AVEN: variants seen among roughly 807,000 people sequenced by gnomAD.
AVEN encodes apoptosis and caspase activation inhibitor, also known as cell death regulator Aven.
AVEN carries 41 observed loss-of-function variants against 38.1 expected under a neutral mutation model. The observed-to-expected ratio is 1.08, with a 90% CI of 0.84 to 1.40. The LOEUF is 1.40. Among genes scored for constraint, AVEN ranks in the 40% most tolerant of loss-of-function variants. The pLI, the probability that AVEN is intolerant of heterozygous loss-of-function variation, is 0.00. For missense variants in AVEN, 605 were observed against 438.8 expected (o/e 1.38, Z -3.38); for synonymous variants, 206 against 171.8 (o/e 1.20, Z -1.56).
chr15:33,899,459 C>G (rs992220056), intron 2 of AVEN, among the ~76,000 whole-genome samples: 1 of 83,260 alleles, frequency 1.2e-5, no homozygotes, highest in Admixed American at 1.9e-4. Flanking sequence ...TCAGGGAAAA[C>G]CTTTTTTTTT....
At chr15:34,011,079 C>T (rs911742638) in intron 1 of AVEN, among the ~76,000 whole-genome samples, 3 of 152,048 alleles carry the variant, frequency 2.0e-5, no homozygotes, top group Admixed American at 1.3e-4. Flanking sequence ...ATAATACCTG[C>T]ACTTTGGGAG....
At position 34,062,616 on chromosome 15, in the gene AVEN, A is replaced by G. The variant is rs1900379004; in HGVS notation, n.1637+306T>C. On this transcript the variant is annotated intron_variant and non_coding_transcript_variant, in intron 5 of 11. Coordinates refer to the AVEN transcript ENST00000675287. ...GACAAGAAAATCATGCTGGTGTGCGAAGCTAATGTGTTTCCCTCTCTTCCA... is the reference window on the plus strand; with the variant it reads ...GACAAGAAAATCATGCTGGTGTGCGGAGCTAATGTGTTTCCCTCTCTTCCA... 4 of 1,029,906 alleles carry G rather than the reference A, an allele frequency of 3.9e-6. No individual in the cohort carries two copies. In the East Asian group the frequency reaches 9.6e-5, roughly 25 times the overall value. 63.8% of individuals were successfully genotyped at this position (1,029,906 alleles called of 1,614,324 possible).
intron 5 of AVEN, among the ~76,000 whole-genome samples, chr15:34,048,143 T>C (rs1440577160): frequency 1.3e-5 from 2 of 152,230 alleles, no homozygotes; most frequent in African/African-American, 4.8e-5. Context: ...TCCAAAGTGC[T>C]GGGATTACAG....
At chr15:33,853,828 G>A (rs184587642), downstream of AVEN, 1 of 984,430 alleles carries the variant, frequency 1.0e-6, no homozygotes, top group Non-Finnish European at 1.4e-6. Context: ...CACTGGGAGA[G>A]CACTGCCTTA....
At chr15:33,967,176 T>A (rs1315689554) in intron 2 of AVEN, among the ~76,000 whole-genome samples, 1 of 152,152 alleles carries the variant, frequency 6.6e-6, no homozygotes, top group African/African-American at 2.4e-5. Context: ...TACAAATGTG[T>A]GTCAAAGACC....
rs1433468129 is a variant in AVEN at position 33,859,500 on chromosome 15, TATGA to T, written n.2730-410_2730-407del. ...GGGCTGCCACAATCTGACCGAATCA[TATGA>T]ATGATCTGAGCATCTTGCTAAAAAC... On this transcript the variant is annotated intron_variant and non_coding_transcript_variant, in intron 11 of 11. Coordinates refer to the AVEN transcript ENST00000675287. The T allele has an allele frequency of 7.8e-6, 12 of 1,543,492 alleles. No homozygotes were observed. In the African/African-American group the frequency reaches 1.4e-4, roughly 18 times the overall value.
intron 1 of AVEN, among the ~76,000 whole-genome samples, chr15:34,010,456 T>A (rs1045090998): frequency 6.6e-6 from 1 of 152,108 alleles, no homozygotes; most frequent in East Asian, 1.9e-4. Context: ...AGACAACAGA[T>A]CCTATTTAAA....
chr15:34,052,565 T>G (rs1899966485), intron 5 of AVEN, among the ~76,000 whole-genome samples: 1 of 152,226 alleles, frequency 6.6e-6, no homozygotes, highest in Non-Finnish European at 1.5e-5. Context: ...TTATCTTTGT[T>G]TGCAGATAAT....
intron 2 of AVEN, among the ~76,000 whole-genome samples, chr15:34,067,804 T>G (rs890698597): frequency 6.6e-6 from 1 of 152,160 alleles, no homozygotes; most frequent in Non-Finnish European, 1.5e-5. Flanking sequence ...TGTCAACTAT[T>G]TAAAGAGTCG....
chr15:33,865,224 T>TAAATCTGAATCAAAGAAGCGCGAC (rs1431055139), downstream of AVEN: 2 of 1,609,898 alleles, frequency 1.2e-6, no homozygotes, highest in South Asian at 1.1e-5. Context: ...TCAGCTTGGA[T>TAAATCTGAATCAAAGAAGCGCGAC]AAATCTGAAT....
intron 2 of AVEN, among the ~76,000 whole-genome samples, chr15:33,982,312 A>G (rs771483330): frequency 1.3e-5 from 2 of 152,100 alleles, no homozygotes; most frequent in Non-Finnish European, 1.5e-5. Flanking sequence ...TGCCTTCTCA[A>G]TTTCAAATTC....
intron 2 of AVEN, among the ~76,000 whole-genome samples, chr15:33,959,333 A>G (rs1381963871): frequency 6.6e-6 from 1 of 152,136 alleles, no homozygotes; most frequent in Admixed American, 6.5e-5. Context: ...CAGCAGTTTT[A>G]GGTAATCTCT....
intron 4 of AVEN, among the ~76,000 whole-genome samples, chr15:33,870,422 T>G (rs1489988201): frequency 2.6e-5 from 4 of 152,184 alleles, no homozygotes; most frequent in African/African-American, 9.7e-5. Context: ...TCCTTATGCT[T>G]TAGACCTCAG....
At chr15:33,854,567 C>G (rs1204904570), downstream of AVEN, 2 of 1,047,866 alleles carry the variant, frequency 1.9e-6, no homozygotes, top group Middle Eastern at 2.1e-4. Context: ...GACCAAGAGC[C>G]TTATACGTGC....
chr15:33,933,207 G>A (rs114757269), intron 2 of AVEN, among the ~76,000 whole-genome samples: 312 of 152,172 alleles, frequency 2.1e-3, no homozygotes, highest in African/African-American at 6.9e-3. Flanking sequence ...GGTAGGTTAC[G>A]ACAACTCTGT....
chr15:33,917,805 CAG>C (rs763040530), intron 2 of AVEN, among the ~76,000 whole-genome samples: 22 of 152,032 alleles, frequency 1.4e-4, no homozygotes, highest in Admixed American at 3.9e-4. Flanking sequence ...AAGGCAGACT[CAG>C]GGGTAAGTGT....
rs1280789776 is a variant in AVEN, at chr15:34,063,977, C to A, written n.1127-545G>T. 1 of 1,614,172 alleles carries A rather than the reference C, an allele frequency of 6.2e-7. No individual in the cohort carries two copies. Among genetic ancestry groups the A allele is most frequent in the Admixed American group, 1.7e-5 (1 of 60,016 alleles). On this transcript the variant is annotated intron_variant and non_coding_transcript_variant, in intron 4 of 11. Coordinates refer to the AVEN transcript ENST00000675287. This position sits in a 1 kb window ranked among gnomAD's most constrained non-coding sequence, Gnocchi z 4.1. ...AACCTTCAACGAAAGGCCTCAATCC[C>A]AACCCCAGCCATCAAATGACCAAAC... is the stretch of plus-strand genomic sequence containing the variant.
intron 2 of AVEN, among the ~76,000 whole-genome samples, chr15:33,931,082 C>A (rs1019758596): frequency 6.6e-6 from 1 of 151,910 alleles, no homozygotes; most frequent in South Asian, 2.1e-4. Flanking sequence ...AATAATTAGA[C>A]GTTAGTACTT....
intron 2 of AVEN, among the ~76,000 whole-genome samples, chr15:33,912,732 A>G (rs1271902880): frequency 6.6e-6 from 1 of 152,194 alleles, no homozygotes; most frequent in Non-Finnish European, 1.5e-5. Context: ...TATGACACTC[A>G]TGCCCATTAC....
Sources: allele counts gnomAD v4.1 joint callset (sites outside exome capture counted in the v4.1 genomes callset), GRCh38; gene constraint gnomAD v4.1.1; non-coding constraint Gnocchi (gnomAD v3.1); transcripts MANE v1.5; gene names NCBI Gene and HGNC (gene_info 2026-07-23, HGNC 2026-07-21).